The following DPYD variants were observed in gnomAD, a reference collection of about 807,000 sequenced individuals.
The protein encoded by DPYD is dihydropyrimidine dehydrogenase [NADP(+)].
A neutral mutation model predicts 116.2 loss-of-function variants in DPYD; 109 were observed. The ratio of observed to expected loss-of-function variants is 0.94; its 90% CI spans 0.80 to 1.10. The LOEUF (loss-of-function observed/expected upper bound fraction) is 1.10, where lower values mean the gene tolerates loss of function less well. DPYD is among the 50% of genes least tolerant of loss of function. The probability of loss-of-function intolerance (pLI) is 0.00; values close to 1 mark genes in which losing one functional copy is unlikely to be tolerated. For synonymous variants in DPYD, 440 were observed against 432.0 expected (o/e 1.02, Z -0.23); for missense variants, 1,302 against 1,254.5 (o/e 1.04, Z -0.57).
At chr1:97,771,569 A>G (rs757535222) in intron 3 of DPYD, among the ~76,000 whole-genome samples, 1 of 152,226 alleles carries the variant, frequency 6.6e-6, no homozygotes, top group Non-Finnish European at 1.5e-5. Context: ...AAGAAAGAAA[A>G]TTAAATCATG....
intron 13 of DPYD, among the ~76,000 whole-genome samples, chr1:97,475,647 C>T (rs1677919065): frequency 6.6e-6 from 1 of 152,166 alleles, no homozygotes; most frequent in South Asian, 2.1e-4. Context: ...CACATCTACT[C>T]TGCAACTGTA....
intron 13 of DPYD, among the ~76,000 whole-genome samples, chr1:97,461,864 T>C (rs1677052742): frequency 6.6e-6 from 1 of 152,250 alleles, no homozygotes; most frequent in African/African-American, 2.4e-5. Context: ...ATCACAAGGT[T>C]AAAATTAGCC....
At chr1:97,756,801 A>C (rs1665270863) in intron 3 of DPYD, among the ~76,000 whole-genome samples, 1 of 152,204 alleles carries the variant, frequency 6.6e-6, no homozygotes, top group Non-Finnish European at 1.5e-5. Flanking sequence ...ATGCTAATAC[A>C]AAAGCAGTAT....
chr1:97,702,490 A>G (rs1394236730), intron 5 of DPYD, among the ~76,000 whole-genome samples: 1 of 151,936 alleles, frequency 6.6e-6, no homozygotes, highest in Non-Finnish European at 1.5e-5. Flanking sequence ...ATCTGCTAAC[A>G]TTTACAAATA....
intron 18 of DPYD, among the ~76,000 whole-genome samples, chr1:97,287,565 G>C (rs1665792453): frequency 6.6e-6 from 1 of 152,198 alleles, no homozygotes; most frequent in Non-Finnish European, 1.5e-5. Context: ...GCATCCTTGA[G>C]CTGTGGTGGG....
At chr1:97,794,450 G>T (rs866998396) in intron 3 of DPYD, among the ~76,000 whole-genome samples, 13 of 152,098 alleles carry the variant, frequency 8.5e-5, no homozygotes, top group African/African-American at 2.9e-4. Flanking sequence ...CACATGAAAA[G>T]ATATTCAGCA....
intron 2 of DPYD, among the ~76,000 whole-genome samples, chr1:97,843,203 T>A (rs1006942123): frequency 6.6e-6 from 1 of 152,126 alleles, no homozygotes; most frequent in Admixed American, 6.5e-5. Context: ...GAGCTTAAAA[T>A]TGGAAAAGTT....
intron 8 of DPYD, among the ~76,000 whole-genome samples, chr1:97,627,838 A>AAC (rs1657021552): frequency 6.6e-6 from 1 of 151,458 alleles, no homozygotes; most frequent in Admixed American, 6.6e-5. Flanking sequence ...TATTATATAA[A>AAC]ACACATATAC....
intron 12 of DPYD, chr1:97,546,546 A>G: frequency 6.3e-7 from 1 of 1,598,658 alleles, no homozygotes; most frequent in South Asian, 1.1e-5. Flanking sequence ...GCATACAGCA[A>G]GAAGAGAGCG....
chr1:97,107,690 A>T (rs139494512), intron 20 of DPYD, among the ~76,000 whole-genome samples: 198 of 152,246 alleles, frequency 1.3e-3, no homozygotes, highest in African/African-American at 4.4e-3. Context: ...ATACACAACA[A>T]CACTGAGGGG....
chr1:97,192,671 A>G (rs1180465182), intron 20 of DPYD, among the ~76,000 whole-genome samples: 1 of 152,182 alleles, frequency 6.6e-6, no homozygotes, highest in Non-Finnish European at 1.5e-5. Flanking sequence ...TTAATTTTAA[A>G]AACTTCCTTA....
intron 3 of DPYD, among the ~76,000 whole-genome samples, chr1:97,817,924 T>C (rs532493848): frequency 6.6e-6 from 1 of 152,214 alleles, no homozygotes; most frequent in South Asian, 2.1e-4. Flanking sequence ...TATTAGCTGC[T>C]CATTCAAAGT....
intron 18 of DPYD, among the ~76,000 whole-genome samples, chr1:97,276,507 C>T (rs1387191892): frequency 6.6e-6 from 1 of 151,912 alleles, no homozygotes; most frequent in Non-Finnish European, 1.5e-5. Context: ...CATGAACAGG[C>T]ACTTCTCAAA....
At chr1:97,529,780 TCTC>T (rs929701345) in intron 12 of DPYD, among the ~76,000 whole-genome samples, 5 of 148,506 alleles carry the variant, frequency 3.4e-5, no homozygotes, top group Admixed American at 6.6e-5. Context: ...CTTCTTTCTT[TCTC>T]TTTTTCTTTT....
chr1:97,708,050 G>A (rs748655747), intron 5 of DPYD, among the ~76,000 whole-genome samples: 2 of 151,894 alleles, frequency 1.3e-5, no homozygotes, highest in Non-Finnish European at 1.5e-5. Flanking sequence ...TGCTCCCCAG[G>A]CTGGTCTCAA....
At chr1:97,859,554 C>T (rs1052606165) in intron 2 of DPYD, among the ~76,000 whole-genome samples, 3 of 151,978 alleles carry the variant, frequency 2.0e-5, no homozygotes. Flanking sequence ...CTGTACAGCC[C>T]ACCACCACTG....
chr1:97,168,393 T>C (rs942620052), intron 20 of DPYD, among the ~76,000 whole-genome samples: 13 of 152,336 alleles, frequency 8.5e-5, no homozygotes, highest in Admixed American at 4.6e-4. Context: ...CCACTTGTTT[T>C]ATCATCAGTT....
intron 16 of DPYD, among the ~76,000 whole-genome samples, chr1:97,349,754 C>T (rs902119133): frequency 6.6e-6 from 1 of 152,008 alleles, no homozygotes; most frequent in Non-Finnish European, 1.5e-5. Context: ...CGTTGTTGGA[C>T]ATTTGGGTTG....
intron 6 of DPYD, among the ~76,000 whole-genome samples, chr1:97,696,426 T>G (rs570732877): frequency 1.3e-5 from 2 of 152,190 alleles, no homozygotes; most frequent in African/African-American, 4.8e-5. Context: ...TTTAAGAAAT[T>G]TGCATGTAGG....
Sources: gnomAD v4.1 joint callset for allele counts (sites outside exome capture counted in the v4.1 genomes callset) on GRCh38, gnomAD v4.1.1 for gene constraint, MANE v1.5 for transcripts, NCBI Gene and HGNC (gene_info 2026-07-23, HGNC 2026-07-21) for gene names.